The following ARB2A variants were observed in gnomAD, a reference collection of about 807,000 sequenced individuals.
The protein encoded by ARB2A is ARB2 cotranscriptional regulator A.
the ARB2A span, among the ~76,000 whole-genome samples, chr5:93,717,096 T>C: frequency 2.0e-5 from 3 of 152,232 alleles, no homozygotes; most frequent in Non-Finnish European, 4.4e-5. Context: ...AGACTTTTTT[T>C]CTAATTTCTC....
the ARB2A span, among the ~76,000 whole-genome samples, chr5:93,900,842 T>C: frequency 3.0e-4 from 45 of 152,042 alleles, 1 homozygote; most frequent in Admixed American, 2.1e-3. Context: ...TATTTAACAG[T>C]TGGTTTTAAT....
the ARB2A span, among the ~76,000 whole-genome samples, chr5:93,706,758 C>T: frequency 6.6e-6 from 1 of 151,312 alleles, no homozygotes; most frequent in African/African-American, 2.4e-5. Context: ...CCCAGCTACT[C>T]GGGAGGCTGA....
At chr5:93,770,435 T>C in the ARB2A span, among the ~76,000 whole-genome samples, 2 of 152,094 alleles carry the variant, frequency 1.3e-5, no homozygotes, top group African/African-American at 2.4e-5. Flanking sequence ...CTATTCAACA[T>C]AGTGTTGGAA....
chr5:94,007,428 T>C, the ARB2A span, among the ~76,000 whole-genome samples: 3 of 152,208 alleles, frequency 2.0e-5, no homozygotes, highest in African/African-American at 4.8e-5. Context: ...TCTGAGAATT[T>C]ACTCTACTAG....
chr5:93,660,649 T>C, the ARB2A span, among the ~76,000 whole-genome samples: 2 of 152,136 alleles, frequency 1.3e-5, no homozygotes, highest in Non-Finnish European at 2.9e-5. Context: ...TTTCATTCTT[T>C]AGATGAAGGG....
chr5:94,096,652 TTAAA>T, the ARB2A span, among the ~76,000 whole-genome samples: 1 of 151,924 alleles, frequency 6.6e-6, no homozygotes, highest in Non-Finnish European at 1.5e-5. Context: ...TAGACGATGA[TTAAA>T]TAAATATACA....
the ARB2A span, among the ~76,000 whole-genome samples, chr5:93,993,610 G>C: frequency 6.6e-6 from 1 of 151,914 alleles, no homozygotes; most frequent in Admixed American, 6.6e-5. Context: ...ATGAATTATA[G>C]AGCTATTTTT....
At chr5:93,944,765 T>C in the ARB2A span, among the ~76,000 whole-genome samples, 2 of 151,802 alleles carry the variant, frequency 1.3e-5, no homozygotes, top group Admixed American at 1.3e-4. Flanking sequence ...ACAAAATAAA[T>C]GGTAGAAGAG....
At chr5:93,960,226 G>GC in the ARB2A span, among the ~76,000 whole-genome samples, 1 of 151,934 alleles carries the variant, frequency 6.6e-6, no homozygotes, top group Non-Finnish European at 1.5e-5. Flanking sequence ...GATGGCTTAG[G>GC]CATTTGTGCA....
At chr5:93,961,230 A>G in the ARB2A span, among the ~76,000 whole-genome samples, 6 of 152,202 alleles carry the variant, frequency 3.9e-5, no homozygotes, top group Admixed American at 3.3e-4. Flanking sequence ...ATGGAGATGG[A>G]TATCTATTCA....
chr5:93,766,700 A>G, the ARB2A span, among the ~76,000 whole-genome samples: 1 of 152,204 alleles, frequency 6.6e-6, no homozygotes, highest in Non-Finnish European at 1.5e-5. Context: ...GATATACCCA[A>G]AGGATTATAA....
At chr5:93,774,986 A>G in the ARB2A span, among the ~76,000 whole-genome samples, 4 of 152,186 alleles carry the variant, frequency 2.6e-5, no homozygotes, top group African/African-American at 9.7e-5. Flanking sequence ...ATGAAAATCA[A>G]TTGTATAATA....
At chr5:93,881,648 T>C in the ARB2A span, 8 of 1,598,112 alleles carry the variant, frequency 5.0e-6, no homozygotes, top group South Asian at 4.6e-5. Flanking sequence ...TACTTCAATA[T>C]AGTTTTCATT....
chr5:93,862,608 G>A, the ARB2A span: 1 of 152,100 alleles, frequency 6.6e-6, no homozygotes, highest in Non-Finnish European at 1.5e-5. Context: ...GGGAGGCTGT[G>A]ATTACTAGTG....
chr5:93,968,046 A>C, the ARB2A span, among the ~76,000 whole-genome samples: 8 of 152,130 alleles, frequency 5.3e-5, no homozygotes, highest in Non-Finnish European at 1.0e-4. Flanking sequence ...CATGCAGCTA[A>C]AGCAAACAAT....
At chr5:93,790,671 C>T in the ARB2A span, among the ~76,000 whole-genome samples, 2 of 152,124 alleles carry the variant, frequency 1.3e-5, no homozygotes, top group South Asian at 2.1e-4. Flanking sequence ...CAACAAAGCA[C>T]GAAGCCATGG....
At chr5:93,912,575 A>G in the ARB2A span, among the ~76,000 whole-genome samples, 1 of 151,806 alleles carries the variant, frequency 6.6e-6, no homozygotes, top group East Asian at 1.9e-4. Flanking sequence ...AAAATCACAC[A>G]TTAAAATTAT....
At chr5:93,647,651 G>A in the ARB2A span, among the ~76,000 whole-genome samples, 2 of 151,842 alleles carry the variant, frequency 1.3e-5, no homozygotes, top group African/African-American at 2.4e-5. Flanking sequence ...AGCTTCCCTA[G>A]TAGCTGGGAC....
At chr5:94,067,059 C>G in the ARB2A span, among the ~76,000 whole-genome samples, 2 of 152,146 alleles carry the variant, frequency 1.3e-5, no homozygotes, top group African/African-American at 2.4e-5. Flanking sequence ...TAGTGTGATA[C>G]AGCACATCAA....
Sources: allele counts gnomAD v4.1 joint callset (sites outside exome capture counted in the v4.1 genomes callset), GRCh38; gene constraint gnomAD v4.1.1; transcripts MANE v1.5; gene names NCBI Gene and HGNC (gene_info 2026-07-23, HGNC 2026-07-21).